Variants in PTPRN2 observed in about 807,000 individuals in gnomAD.
The protein encoded by PTPRN2 is receptor-type tyrosine-protein phosphatase N2.
PTPRN2 carries 74 observed loss-of-function variants against 118.8 expected under a neutral mutation model. The observed-to-expected ratio is 0.62, with a 90% CI of 0.52 to 0.76. The LOEUF (loss-of-function observed/expected upper bound fraction) is 0.76, where lower values mean the gene tolerates loss of function less well. Among genes scored for constraint, PTPRN2 ranks in the 30% least tolerant of loss-of-function variants. PTPRN2 has a pLI of 0.00. For synonymous variants in PTPRN2, 641 were observed against 608.0 expected (o/e 1.05, Z -0.80); for missense variants, 1,481 against 1,394.4 (o/e 1.06, Z -0.99).
chr7:157,553,961 ACGGCCAGG>A (rs1378712037), intron 21 of PTPRN2, among the ~76,000 whole-genome samples: 1 of 108,088 alleles, frequency 9.3e-6, no homozygotes, highest in Non-Finnish European at 2.0e-5. Flanking sequence ...GAGCATGGGT[ACGGCCAGG>A]CCGGGCGCCG....
At chr7:158,112,991 G>A (rs947018687) in intron 9 of PTPRN2, among the ~76,000 whole-genome samples, 2 of 151,836 alleles carry the variant, frequency 1.3e-5, no homozygotes, top group Non-Finnish European at 2.9e-5. Flanking sequence ...TTGCCCCCCA[G>A]CATTTAGGAT....
chr7:158,183,222 T>A (rs1361885129), intron 5 of PTPRN2, among the ~76,000 whole-genome samples: 1 of 152,224 alleles, frequency 6.6e-6, no homozygotes, highest in East Asian at 1.9e-4. Flanking sequence ...ATATTTGGTT[T>A]GTGTCTTTTT....
chr7:158,113,738 C>T (rs1338989047), intron 9 of PTPRN2, among the ~76,000 whole-genome samples: 1 of 152,134 alleles, frequency 6.6e-6, no homozygotes, highest in African/African-American at 2.4e-5. Context: ...TCATGGGCCT[C>T]GCACCTGCAA....
intron 2 of PTPRN2, among the ~76,000 whole-genome samples, chr7:158,330,222 CTG>C (rs1804095609): frequency 1.5e-5 from 2 of 136,128 alleles, no homozygotes; most frequent in Non-Finnish European, 3.1e-5. Context: ...GAGCTGACAC[CTG>C]CAGACGTCAC....
At chr7:157,720,942 A>G (rs1799199069) in intron 12 of PTPRN2, among the ~76,000 whole-genome samples, 1 of 152,162 alleles carries the variant, frequency 6.6e-6, no homozygotes, top group Admixed American at 6.5e-5. Context: ...GAGTTGAGGA[A>G]GGTCTCATTA....
intron 12 of PTPRN2, among the ~76,000 whole-genome samples, chr7:157,781,412 T>C (rs1245932430): frequency 6.6e-6 from 1 of 152,178 alleles, no homozygotes; most frequent in Non-Finnish European, 1.5e-5. Context: ...CGTGCCCTTC[T>C]TCTGGTCCCA....
At chr7:158,240,344 G>T (rs1055266684) in intron 3 of PTPRN2, among the ~76,000 whole-genome samples, 1 of 152,198 alleles carries the variant, frequency 6.6e-6, no homozygotes, top group Admixed American at 6.5e-5. Flanking sequence ...GGAAGGAAAA[G>T]AATACTACCC....
At position 158,570,886 on chromosome 7, in the gene PTPRN2, GACCTGGTT is replaced by G. The variant is rs1827987930; in HGVS notation, c.112+16664_112+16671del. Among the ~76,000 whole-genome samples the G allele has an allele frequency of 6.6e-6, 1 of 152,166 alleles. No homozygotes were observed. Among genetic ancestry groups the G allele is most frequent in the African/African-American group, 2.4e-5 (1 of 41,444 alleles). On this transcript the variant is annotated intron_variant, in intron 1 of 22. Transcript: ENST00000389418. The surrounding 1 kb of genome is among the most constrained non-coding windows in gnomAD (Gnocchi z 4.5). ...TTGTGGAAAGACACAAACGTGCATG[GACCTGGTT>G]ACCTCTGGCCTTCCTCTGCTCAGAA...
intron 11 of PTPRN2, among the ~76,000 whole-genome samples, chr7:158,010,763 T>C (rs776832001): frequency 1.3e-5 from 2 of 152,262 alleles, no homozygotes; most frequent in Non-Finnish European, 2.9e-5. Context: ...TTTATTTCTC[T>C]GCTGCCTTAC....
At chr7:158,239,436 G>A (rs73746444) in intron 3 of PTPRN2, among the ~76,000 whole-genome samples, 28 of 152,254 alleles carry the variant, frequency 1.8e-4, no homozygotes, top group African/African-American at 5.3e-4. Context: ...TCCGTAGCGC[G>A]GCCCCCACCC....
chr7:157,955,503 C>T (rs930205476), intron 11 of PTPRN2, among the ~76,000 whole-genome samples: 4 of 152,078 alleles, frequency 2.6e-5, no homozygotes, highest in Non-Finnish European at 2.9e-5. Context: ...GGGAAAGCAC[C>T]GCAGGCCCAT....
rs376355540 is a variant in PTPRN2, at chr7:158,134,791, G to C, written c.1174-732C>G. 5.9e-5 allele frequency among the ~76,000 whole-genome samples: 9 copies of C among 152,286 alleles called. No homozygotes were observed. In the South Asian group the frequency reaches 1.0e-3, roughly 18 times the overall value. ...TATGCACCGGGTACAGATTTGCTTTGTGTGGGTTCTCATGTAATTACTACT... is the reference window on the plus strand; with the variant it reads ...TATGCACCGGGTACAGATTTGCTTTCTGTGGGTTCTCATGTAATTACTACT... On this transcript the variant is annotated intron_variant, in intron 8 of 22. Transcript: ENST00000389418.
At chr7:157,836,977 G>A (rs1006679780) in intron 12 of PTPRN2, among the ~76,000 whole-genome samples, 14 of 130,794 alleles carry the variant, frequency 1.1e-4, no homozygotes, top group South Asian at 8.0e-4. Context: ...CTGTCCACAC[G>A]TCTGCCCTTC....
At chr7:157,686,761 A>G (rs1443655100) in intron 12 of PTPRN2, among the ~76,000 whole-genome samples, 2 of 152,182 alleles carry the variant, frequency 1.3e-5, no homozygotes, top group Admixed American at 6.5e-5. Context: ...GGAACAGAGA[A>G]GAAGTGAGGA....
chr7:157,640,026 C>A (rs1804578151), intron 14 of PTPRN2, among the ~76,000 whole-genome samples: 1 of 152,174 alleles, frequency 6.6e-6, no homozygotes, highest in African/African-American at 2.4e-5. Flanking sequence ...AGAACTAAAG[C>A]CCCACCAATG....
At chr7:158,275,437 G>C (rs1209786630) in intron 3 of PTPRN2, among the ~76,000 whole-genome samples, 1 of 152,114 alleles carries the variant, frequency 6.6e-6, no homozygotes. Flanking sequence ...AGCCTACCCA[G>C]CAAATTTTAC....
chr7:158,395,317 G>C (rs1255321066), intron 2 of PTPRN2, among the ~76,000 whole-genome samples: 141 of 108,844 alleles, frequency 1.3e-3, no homozygotes, highest in South Asian at 3.7e-3. Flanking sequence ...AGGGGTGAGG[G>C]GCGAGGGGCG....
intron 6 of PTPRN2, among the ~76,000 whole-genome samples, chr7:158,150,972 G>A (rs1034456060): frequency 1.3e-5 from 2 of 151,880 alleles, no homozygotes; most frequent in Non-Finnish European, 2.9e-5. Context: ...CCTGCTTACA[G>A]CAATGTCTGT....
intron 2 of PTPRN2, among the ~76,000 whole-genome samples, chr7:158,384,697 G>GCCC (rs1811200048): frequency 6.6e-6 from 1 of 152,168 alleles, no homozygotes; most frequent in Non-Finnish European, 1.5e-5. Flanking sequence ...CAAACTGTGT[G>GCCC]CATAACACCC....
Sources: gnomAD v4.1 joint callset for allele counts (sites outside exome capture counted in the v4.1 genomes callset) on GRCh38, gnomAD v4.1.1 for gene constraint, Gnocchi (gnomAD v3.1) non-coding constraint, MANE v1.5 for transcripts, NCBI Gene and HGNC (gene_info 2026-07-23, HGNC 2026-07-21) for gene names.